PPIG: variants seen among roughly 807,000 people sequenced by gnomAD.
PPIG encodes the protein peptidyl-prolyl cis-trans isomerase G.
In PPIG, 26 loss-of-function variants were observed where a neutral mutation model predicts 87.9. That is an observed-to-expected ratio of 0.30 (90% CI 0.22 to 0.41). PPIG has a LOEUF of 0.41. PPIG is among the 10% of genes least tolerant of loss of function. The probability of loss-of-function intolerance (pLI) is 1.00; values close to 1 mark genes in which losing one functional copy is unlikely to be tolerated. For missense variants in PPIG, 722 were observed against 879.4 expected (o/e 0.82, Z 2.26); for synonymous variants, 308 against 276.5 (o/e 1.11, Z -1.13).
intron 1 of PPIG, among the ~76,000 whole-genome samples, chr2:169,596,674 C>G (rs1685026329): frequency 2.0e-5 from 3 of 152,102 alleles, no homozygotes; most frequent in Admixed American, 2.0e-4. Context: ...CCTTTGGAGC[C>G]ACGCAACCAG....
In PPIG at chr2:169,636,074, T is replaced by C. The variant is rs2290008; in HGVS notation, c.1018-18T>C. The C allele has an allele frequency of 0.61, 954,644 of 1,571,434 alleles. 292,482 individuals are homozygous for C. The highest frequency in any genetic ancestry group is 0.78 in the African/African-American group (57,350 of 73,336). ...ATACTTCTATACATTAATTTTTCCC[T>C]ATTTTAATTTTCTTTAGCGTTATCG... On this transcript the variant is annotated intron_variant, in intron 12 of 13. Coordinates refer to ENST00000260970, the MANE Select transcript of PPIG (RefSeq NM_004792.3).
intron 1 of PPIG, among the ~76,000 whole-genome samples, chr2:169,602,944 G>C (rs991749186): frequency 2.1e-4 from 32 of 152,144 alleles, no homozygotes; most frequent in African/African-American, 7.7e-4. Context: ...TTTGAAGCTA[G>C]AGCCAAATTA....
At chr2:169,631,553 TGTGATAATCGAAACGTTTTG>T in intron 10 of PPIG, 193 bp from the exon 11 acceptor site, 1 of 1,309,638 alleles carries the variant, frequency 7.6e-7, no homozygotes, top group Non-Finnish European at 9.7e-7. Context: ...TTTTTGAGAG[TGTGATAATCGAAACGTTTTG>T]TTTTGTTTGT....
At position 169,633,154 on chromosome 2, in the gene PPIG, T is replaced by C; in HGVS notation, c.930-6T>C. 5 of 1,589,736 alleles carry C rather than the reference T, an allele frequency of 3.1e-6. No homozygotes were observed. The highest frequency in any genetic ancestry group is 4.3e-6 in the Non-Finnish European group (5 of 1,159,378). Reference sequence around the variant, plus strand: ...ATGTGTTAACTTTCTGTTTGCTTCCTTCTAGTAATCCACCTAACTCCCAGC... The same window carrying C: ...ATGTGTTAACTTTCTGTTTGCTTCCCTCTAGTAATCCACCTAACTCCCAGC... On this transcript the variant is annotated splice_region_variant and splice_polypyrimidine_tract_variant and intron_variant, in intron 11 of 13. Coordinates refer to ENST00000260970, the MANE Select transcript of PPIG (RefSeq NM_004792.3).
intron 1 of PPIG, among the ~76,000 whole-genome samples, chr2:169,595,803 G>C (rs1685000339): frequency 6.6e-6 from 1 of 152,070 alleles, no homozygotes; most frequent in South Asian, 2.1e-4. Context: ...TTTTTGTTTT[G>C]TTTTGTTTTT....
rs1356796598 is a variant in PPIG at position 169,637,595 on chromosome 2, T to TA, written c.*73dup. ...GAGAGACTTGCTAATGAATCTCCTT[T>TA]ATGTTGTTTTCCTTTTCATTGTTTT... On this transcript the variant is annotated 3_prime_UTR_variant, in exon 14 of 14. Coordinates refer to ENST00000260970, the MANE Select transcript of PPIG (RefSeq NM_004792.3). 1.5e-6 allele frequency: 2 copies of TA among 1,349,720 alleles called. No homozygotes were observed. Among genetic ancestry groups the TA allele is most frequent in the East Asian group, 4.9e-5 (2 of 41,118 alleles). 83.6% of individuals were successfully genotyped at this position (1,349,720 alleles called of 1,614,324 possible). A position where few individuals can be genotyped will look rare whatever the true frequency, so the allele number is the denominator to read the frequency against.
chr2:169,614,499 T>C lies in PPIG; in HGVS notation c.407+6T>C, dbSNP rs1574453222. The C allele has an allele frequency of 1.3e-6, 2 of 1,561,574 alleles. No individual in the cohort carries two copies. Among genetic ancestry groups the C allele is most frequent in the African/African-American group, 1.4e-5 (1 of 72,880 alleles). Reference sequence around the variant, plus strand: ...CCAACTCCTCATTTAGATGGGTAAATATTATTTTATTTATTTTACAACCTG... The same window carrying C: ...CCAACTCCTCATTTAGATGGGTAAACATTATTTTATTTATTTTACAACCTG... On this transcript the variant is annotated splice_donor_region_variant and intron_variant, in intron 8 of 13. Coordinates refer to ENST00000260970, the MANE Select transcript of PPIG (RefSeq NM_004792.3).
At chr2:169,609,081 C>CAAAA (rs577846491) in intron 7 of PPIG, among the ~76,000 whole-genome samples, 1 of 105,864 alleles carries the variant, frequency 9.4e-6, no homozygotes, top group Non-Finnish European at 1.9e-5. Context: ...AAGACTGTCT[C>CAAAA]AAAAAAAAAA....
chr2:169,617,691 G>C (rs1316632388), intron 9 of PPIG, among the ~76,000 whole-genome samples: 1 of 152,114 alleles, frequency 6.6e-6, no homozygotes, highest in East Asian at 1.9e-4. Context: ...TGTGATTTTT[G>C]CACATTGATT....
intron 9 of PPIG, among the ~76,000 whole-genome samples, chr2:169,620,222 T>C (rs141427483): frequency 5.9e-5 from 9 of 152,306 alleles, no homozygotes; most frequent in Non-Finnish European, 1.3e-4. Flanking sequence ...GCAAGTCTTA[T>C]GTTTAAGTCA....
chr2:169,637,634 G>C lies in PPIG; in HGVS notation c.*111G>C. On this transcript the variant is annotated 3_prime_UTR_variant, in exon 14 of 14. Transcript: ENST00000260970. ...TTTCATTGTTTTTGGATTGTTTTAT[G>C]TTTGTCCTTTTTTTTCTTAATGTGG... is the stretch of plus-strand genomic sequence containing the variant. The C allele has an allele frequency of 8.5e-7, 1 of 1,176,512 alleles. No individual in the cohort carries two copies. The highest frequency in any genetic ancestry group is 1.9e-5 in the South Asian group (1 of 53,618). The allele number at this position is 1,176,512 out of a possible 1,614,324, so 72.9% of individuals were successfully genotyped here.
chr2:169,612,478 G>A (rs1224682058), intron 7 of PPIG, among the ~76,000 whole-genome samples: 1 of 150,752 alleles, frequency 6.6e-6, no homozygotes, highest in African/African-American at 2.4e-5. Context: ...CCACCTCCCG[G>A]GTTCACGCCA....
At chr2:169,613,836 G>A (rs1685549582) in intron 7 of PPIG, among the ~76,000 whole-genome samples, 1 of 152,194 alleles carries the variant, frequency 6.6e-6, no homozygotes, top group Admixed American at 6.5e-5. Context: ...TGAGGCAGGA[G>A]GATAGCTTGA....
chr2:169,622,588 C>T (rs776531918), intron 9 of PPIG, among the ~76,000 whole-genome samples: 2 of 152,118 alleles, frequency 1.3e-5, no homozygotes, highest in African/African-American at 2.4e-5. Context: ...AGATTTGGCC[C>T]TTTATTAATA....
chr2:169,635,554 A>G (rs1686157709), intron 12 of PPIG, among the ~76,000 whole-genome samples: 1 of 152,178 alleles, frequency 6.6e-6, no homozygotes, highest in South Asian at 2.1e-4. Flanking sequence ...GCACACTCAT[A>G]TATCTTGGCT....
At position 169,635,032 on chromosome 2, in the gene PPIG, CTGAATA is replaced by C. The variant is rs575342121; in HGVS notation, c.1018-1059_1018-1054del. Among the ~76,000 whole-genome samples the C allele has an allele frequency of 8.8e-5, 13 of 148,324 alleles. No individual in the cohort carries two copies. In the South Asian group the frequency reaches 2.4e-3, roughly 27 times the overall value. On this transcript the variant is annotated intron_variant, in intron 12 of 13. Transcript: ENST00000260970. ...AAGTAATGATATCAAAACATGTAAA[CTGAATA>C]ACACTATTGTATGATAATGAAATAA...
At chr2:169,620,296 G>A (rs897322224) in intron 9 of PPIG, among the ~76,000 whole-genome samples, 4 of 151,774 alleles carry the variant, frequency 2.6e-5, no homozygotes, top group African/African-American at 7.3e-5. Flanking sequence ...TTTTACATGT[G>A]GATATCTAGT....
At chr2:169,632,029 T>C in intron 11 of PPIG, 96 bp downstream of exon 11, 1 of 1,305,620 alleles carries the variant, frequency 7.7e-7, no homozygotes. Context: ...TTGGTGACCT[T>C]GTCCCAAGAT....
Position 169,640,144 on chromosome 2 carries a change from C to A in PPIG, c.*2621C>A, listed in dbSNP as rs1283095483. 1 of 152,108 alleles carries A rather than the reference C, an allele frequency of 6.6e-6. No homozygotes were observed. The highest frequency in any genetic ancestry group is 1.5e-5 in the Non-Finnish European group (1 of 68,012). The allele number at this position is 152,108 out of a possible 1,614,324, so 9.4% of individuals were successfully genotyped here. A position where few individuals can be genotyped will look rare whatever the true frequency, so the allele number is the denominator to read the frequency against. ...AGCTACTGGATTGCTTTAAAACATT[C>A]TTTGATTAAATTACTACATAGTTGG... On this transcript the variant is annotated 3_prime_UTR_variant, in exon 14 of 14. Coordinates refer to ENST00000260970, the MANE Select transcript of PPIG (RefSeq NM_004792.3).
Sources: allele counts gnomAD v4.1 joint callset (sites outside exome capture counted in the v4.1 genomes callset), GRCh38; gene constraint gnomAD v4.1.1; transcripts MANE v1.5; gene names NCBI Gene and HGNC (gene_info 2026-07-23, HGNC 2026-07-21).